Variants in ARID2 observed in about 807,000 individuals in gnomAD.
The protein encoded by ARID2 is AT-rich interaction domain 2, also known as AT-rich interactive domain-containing protein 2.
A neutral mutation model predicts 184.6 loss-of-function variants in ARID2; 32 were observed. That is an observed-to-expected ratio of 0.17 (90% confidence interval 0.13 to 0.23). The LOEUF is 0.23. Ranked by LOEUF, ARID2 falls within the 10% of genes least tolerant of loss-of-function variation. The probability of loss-of-function intolerance (pLI) is 1.00; values close to 1 mark genes in which losing one functional copy is unlikely to be tolerated. For synonymous variants in ARID2, 836 were observed against 772.6 expected (o/e 1.08, Z -1.36); for missense variants, 1,696 against 2,197.6 (o/e 0.77, Z 4.56).
intron 3 of ARID2, among the ~76,000 whole-genome samples, chr12:45,746,333 A>C (rs954411160): frequency 6.6e-6 from 1 of 151,486 alleles, no homozygotes; most frequent in Non-Finnish European, 1.5e-5. Context: ...ATGGTTTCCA[A>C]CTCCTGGCCT....
At chr12:45,822,750 G>T (rs1015426395) in intron 6 of ARID2, among the ~76,000 whole-genome samples, 1 of 152,044 alleles carries the variant, frequency 6.6e-6, no homozygotes, top group Non-Finnish European at 1.5e-5. Context: ...ATTATATAAT[G>T]AAACAAGGGA....
chr12:45,780,973 A>C lies in ARID2; in HGVS notation c.285-30445A>C, dbSNP rs148608962. Among the ~76,000 whole-genome samples, 507 of 152,238 alleles carry C rather than the reference A, an allele frequency of 3.3e-3. 2 individuals carry two copies. Among genetic ancestry groups the C allele is most frequent in the African/African-American group, 0.012 (480 of 41,520 alleles). On this transcript the variant is annotated intron_variant, in intron 3 of 20. Coordinates refer to ENST00000334344, the MANE Select transcript of ARID2 (RefSeq NM_152641.4). ...AATTGGCCTCCAAAATTAAAGAAAAATATAGCATTTACTTTTAAGAGTAAT... is the reference window on the plus strand; with the variant it reads ...AATTGGCCTCCAAAATTAAAGAAAACTATAGCATTTACTTTTAAGAGTAAT...
chr12:45,834,213 CTAAA>C (rs1943173152), intron 6 of ARID2, among the ~76,000 whole-genome samples: 2 of 151,800 alleles, frequency 1.3e-5, no homozygotes, highest in Non-Finnish European at 2.9e-5. Context: ...TCCATATGGC[CTAAA>C]TAAATAGTCA....
chr12:45,822,795 T>C (rs973995983), intron 6 of ARID2, among the ~76,000 whole-genome samples: 2 of 152,144 alleles, frequency 1.3e-5, no homozygotes, highest in African/African-American at 4.8e-5. Flanking sequence ...AACAATCATA[T>C]ATGCACTCAA....
chr12:45,749,299 A>G (rs1429393774), intron 3 of ARID2, among the ~76,000 whole-genome samples: 1 of 152,200 alleles, frequency 6.6e-6, no homozygotes. Context: ...TAATATTTTG[A>G]AAGTGATCTT....
At chr12:45,870,026 T>C (rs960234275) in intron 16 of ARID2, among the ~76,000 whole-genome samples, 2 of 152,026 alleles carry the variant, frequency 1.3e-5, no homozygotes, top group African/African-American at 4.8e-5. Context: ...TGCTCTGTCA[T>C]CCAGGCTGTA....
intron 3 of ARID2, among the ~76,000 whole-genome samples, chr12:45,781,242 C>G (rs1195935073): frequency 1.3e-5 from 2 of 149,160 alleles, no homozygotes; most frequent in African/African-American, 5.0e-5. Context: ...CTGTTGCAAT[C>G]AAGACTGCAG....
At chr12:45,792,757 T>A (rs1225905575) in intron 3 of ARID2, among the ~76,000 whole-genome samples, 1 of 152,172 alleles carries the variant, frequency 6.6e-6, no homozygotes, top group Non-Finnish European at 1.5e-5. Context: ...GAATGTTTTT[T>A]AAAATGAGTT....
intron 3 of ARID2, among the ~76,000 whole-genome samples, chr12:45,794,306 C>G (rs1942347717): frequency 6.6e-6 from 1 of 152,150 alleles, no homozygotes; most frequent in Non-Finnish European, 1.5e-5. Context: ...TTGTTCTTTC[C>G]ATAGAGCTGA....
intron 3 of ARID2, among the ~76,000 whole-genome samples, chr12:45,793,433 C>G (rs964977652): frequency 2.6e-5 from 4 of 151,100 alleles, no homozygotes; most frequent in African/African-American, 9.8e-5. Flanking sequence ...TTACACTCAC[C>G]CTTGACCTAT....
At chr12:45,796,993 T>C (rs969551550) in intron 3 of ARID2, among the ~76,000 whole-genome samples, 5 of 152,236 alleles carry the variant, frequency 3.3e-5, no homozygotes, top group East Asian at 3.8e-4. Flanking sequence ...CTGGATATTA[T>C]AGTTTTTCAA....
At chr12:45,754,236 A>C (rs943313708) in intron 3 of ARID2, among the ~76,000 whole-genome samples, 12 of 152,236 alleles carry the variant, frequency 7.9e-5, no homozygotes, top group African/African-American at 2.7e-4. Context: ...GATGCAGGTA[A>C]GTGCTTACAT....
chr12:45,781,238 C>A (rs542292710), intron 3 of ARID2, among the ~76,000 whole-genome samples: 1 of 149,460 alleles, frequency 6.7e-6, no homozygotes, highest in Non-Finnish European at 1.5e-5. Flanking sequence ...CAATCTGTTG[C>A]AATCAAGACT....
At position 45,850,807 on chromosome 12, in the gene ARID2, A is replaced by C. The variant is rs2138165290; in HGVS notation, c.2684A>C (p.Asn895Thr). Residue 895 changes from asparagine (N) to threonine (T), a missense_variant, in exon 15 of 21, where the codon AAC becomes ACC. By Grantham distance (65) the Asn-to-Thr change is moderately conservative. Transcript: ENST00000334344. ...SPQASRVGFQNIAPKPLPSQQ... is the reference protein window; with the variant it reads ...SPQASRVGFQTIAPKPLPSQQ... Reference sequence around the variant, plus strand: ...CAAGCCTCAAGGGTAGGGTTTCAGAACATTGCACCAAAACCTCTCCCTTCT... The same window carrying C: ...CAAGCCTCAAGGGTAGGGTTTCAGACCATTGCACCAAAACCTCTCCCTTCT... 1 of 1,614,098 alleles carries C rather than the reference A, an allele frequency of 6.2e-7. No homozygotes were observed. Among genetic ancestry groups the C allele is most frequent in the Non-Finnish European group, 8.5e-7 (1 of 1,179,992 alleles).
At chr12:45,831,522 A>G (rs1275135112) in intron 6 of ARID2, among the ~76,000 whole-genome samples, 1 of 152,206 alleles carries the variant, frequency 6.6e-6, no homozygotes, top group Non-Finnish European at 1.5e-5. Context: ...TTTGTGCTAT[A>G]AACATTCCAC....
intron 15 of ARID2, among the ~76,000 whole-genome samples, chr12:45,858,662 T>G (rs1430838395): frequency 6.6e-6 from 1 of 152,228 alleles, no homozygotes; most frequent in Non-Finnish European, 1.5e-5. Context: ...TCCCATCATC[T>G]CATAAGTTAG....
chr12:45,850,324 T>C lies in ARID2; in HGVS notation c.2201T>C (p.Val734Ala), dbSNP rs961736855. 9 of 1,614,134 alleles carry C rather than the reference T, an allele frequency of 5.6e-6. No individual in the cohort carries two copies. In the African/African-American group the frequency reaches 6.7e-5, roughly 12 times the overall value. ...ACAGGAGTTCCTGTTAGTATTGCTG[T>C]TGGAGGAGGACCTCCACAGAGTTCT... is the stretch of plus-strand genomic sequence containing the variant. Reference protein sequence around the residue: ...PQTGVPVSIAVGGGPPQSSVV... With the variant: ...PQTGVPVSIAAGGGPPQSSVV... Residue 734 changes from valine to alanine, a missense_variant, in exon 15 of 21, where the codon GTT becomes GCT. This residue lies in a region of ARID2 where 713 missense variants were observed against 824.4 expected (regional missense o/e 0.86). Coordinates refer to ENST00000334344, the MANE Select transcript of ARID2 (RefSeq NM_152641.4).
intron 16 of ARID2, among the ~76,000 whole-genome samples, chr12:45,887,082 T>A: frequency 6.6e-6 from 1 of 152,174 alleles, no homozygotes; most frequent in East Asian, 1.9e-4. Flanking sequence ...TATGTGAATA[T>A]TTGCTCAGTT....
At chr12:45,730,508 C>T (rs1031871078) in intron 2 of ARID2, among the ~76,000 whole-genome samples, 4 of 151,734 alleles carry the variant, frequency 2.6e-5, no homozygotes, top group African/African-American at 9.7e-5. Flanking sequence ...CGAGTCAGCT[C>T]TGCCGCCGCT....
Sources: allele counts gnomAD v4.1 joint callset (sites outside exome capture counted in the v4.1 genomes callset), GRCh38; gene constraint gnomAD v4.1.1; regional missense constraint gnomAD v4.1.1; transcripts MANE v1.5; gene names NCBI Gene and HGNC (gene_info 2026-07-23, HGNC 2026-07-21).